FN1: variants seen among roughly 807,000 people sequenced by gnomAD.
FN1 encodes the protein fibronectin 1, also known as fibronectin.
Under a neutral mutation model 297.3 loss-of-function variants are expected in FN1, and 106 were observed. That is an observed-to-expected ratio of 0.36 (90% CI 0.30 to 0.42). FN1 has a LOEUF of 0.42. Among genes scored for constraint, FN1 ranks in the 10% least tolerant of loss-of-function variants. The probability of loss-of-function intolerance (pLI) is 1.00; values close to 1 mark genes in which losing one functional copy is unlikely to be tolerated. For synonymous variants in FN1, 1,149 were observed against 1,152.6 expected (o/e 1.00, Z 0.06); for missense variants, 2,690 against 3,124.9 (o/e 0.86, Z 3.32).
intron 7 of FN1, 132 bp downstream of exon 7, chr2:215,424,962 C>T (rs1293562086): frequency 2.4e-6 from 2 of 846,398 alleles, no homozygotes; most frequent in Admixed American, 1.8e-5. Flanking sequence ...AATGCCAACC[C>T]TAATTGTTAT....
At chr2:215,407,051 G>T in intron 18 of FN1, 76 bp downstream of exon 18, 2 of 1,115,558 alleles carry the variant, frequency 1.8e-6, no homozygotes, top group South Asian at 1.2e-5. Context: ...GAGGACTGTT[G>T]ACAGAGACAA....
At chr2:215,426,370 G>T (rs1264138374) in intron 6 of FN1, among the ~76,000 whole-genome samples, 2 of 148,056 alleles carry the variant, frequency 1.4e-5, no homozygotes, top group Non-Finnish European at 3.0e-5. Flanking sequence ...GGATGGTCTC[G>T]ATCTCCTGAC....
chr2:215,383,783 G>T (rs1210533776), intron 30 of FN1, among the ~76,000 whole-genome samples: 1 of 152,244 alleles, frequency 6.6e-6, no homozygotes, highest in South Asian at 2.1e-4. Context: ...CACTCTCTAT[G>T]CCTGTCGTAT....
rs544702180 is a variant in FN1 at position 215,394,791 on chromosome 2, A to G, written c.3605-72T>C. ...CCAGAGCATATTTAACTAGACTCCAATGATGGATTCACAGGGCGGAATGCA... is the reference window on the plus strand; with the variant it reads ...CCAGAGCATATTTAACTAGACTCCAGTGATGGATTCACAGGGCGGAATGCA... On this transcript the variant is annotated intron_variant, in intron 23 of 45. Coordinates refer to ENST00000354785, the MANE Select transcript of FN1 (RefSeq NM_212482.4). 1.3e-3 allele frequency: 1,514 copies of G among 1,184,174 alleles called. 6 individuals carry two copies. Among genetic ancestry groups the G allele is most frequent in the Non-Finnish European group, 1.6e-3 (1,258 of 797,182 alleles). The allele number at this position is 1,184,174 out of a possible 1,614,324, so 73.4% of individuals were successfully genotyped here.
At chr2:215,406,633 G>T in intron 18 of FN1, 123 bp from the exon 19 acceptor site, 1 of 1,014,382 alleles carries the variant, frequency 9.9e-7, no homozygotes, top group Non-Finnish European at 1.5e-6. Context: ...GCTAAGTTTT[G>T]TCTCTTAATC....
chr2:215,419,215 T>C (rs751884955), intron 12 of FN1, 27 bp downstream of exon 12: 3 of 1,611,736 alleles, frequency 1.9e-6, no homozygotes, highest in Middle Eastern at 1.7e-4. Context: ...TTGGCAGTTC[T>C]CAACTTGCAG....
intron 28 of FN1, 121 bp downstream of exon 28, chr2:215,386,568 A>ATTTT (rs5838504): frequency 3.3e-5 from 11 of 337,222 alleles, no homozygotes; most frequent in African/African-American, 2.9e-4. Flanking sequence ...ACAATGATCT[A>ATTTT]TTTTTTTTTT....
At chr2:215,369,349 AAC>A (rs1198491556) in intron 41 of FN1, among the ~76,000 whole-genome samples, 2 of 152,232 alleles carry the variant, frequency 1.3e-5, no homozygotes, top group Admixed American at 1.3e-4. Context: ...TAATACAACA[AAC>A]ACAAAATAAT....
Position 215,367,125 on chromosome 2 carries a change from C to A in FN1, c.7018+738G>T, listed in dbSNP as rs574498554. ...GCTTATTTATAGGCATAACGGTCAA[C>A]ACCTATAAAAATGAACCAATTGTCA... On this transcript the variant is annotated intron_variant, in intron 42 of 45. Coordinates refer to ENST00000354785, the MANE Select transcript of FN1 (RefSeq NM_212482.4). 4.2e-4 allele frequency among the ~76,000 whole-genome samples: 64 copies of A among 152,298 alleles called. No homozygotes were observed. In the Middle Eastern group the frequency reaches 0.01, roughly 24 times the overall value.
chr2:215,420,730 T>G lies in FN1; in HGVS notation c.1618A>C (p.Met540Leu), dbSNP rs768538033. The G allele has an allele frequency of 2.5e-6, 4 of 1,614,190 alleles. No individual in the cohort carries two copies. In the Admixed American group the frequency reaches 6.7e-5, roughly 27 times the overall value. The change falls in exon 11 of 46, where the codon ATG becomes CTG. Residue 540 changes from methionine to leucine, a missense_variant. This residue lies in a region of FN1 where 876 missense variants were observed against 1,058.1 expected (regional missense o/e 0.83). Coordinates refer to ENST00000354785, the MANE Select transcript of FN1 (RefSeq NM_212482.4). ...TGACCGAAGCATGTACAGTTCAGCA[T>G]GTGCCCCTCTTCATGACGCTTGTGG... is the stretch of plus-strand genomic sequence containing the variant. ...TFHKRHEEGH[M>L]LNCTCFGQGR... is the part of the protein sequence containing the mutation.
intron 12 of FN1, 55 bp from the exon 13 acceptor site, chr2:215,415,013 A>T: frequency 7.2e-7 from 1 of 1,390,716 alleles, no homozygotes; most frequent in East Asian, 2.3e-5. Flanking sequence ...ACTTCAACTT[A>T]AAACTGTGTA....
chr2:215,361,425 G>A lies in FN1; in HGVS notation c.*130C>T, dbSNP rs141470685. On this transcript the variant is annotated 3_prime_UTR_variant, in exon 46 of 46. Coordinates refer to ENST00000354785, the MANE Select transcript of FN1 (RefSeq NM_212482.4). ...AGAAGCTGTGAGTTGAGCTGAAGCT[G>A]GAGAACTTCCTCCAGAGCAAAGGGC... 2.8e-3 allele frequency: 2,187 copies of A among 788,092 alleles called. 40 individuals carry two copies. The African/African-American group carries it at 0.033, about 12-fold the overall frequency. 48.8% of individuals were successfully genotyped at this position (788,092 alleles called of 1,614,324 possible). A position where few individuals can be genotyped will look rare whatever the true frequency, so the allele number is the denominator to read the frequency against.
intron 9 of FN1, among the ~76,000 whole-genome samples, chr2:215,423,080 G>A (rs540898345): frequency 1.3e-5 from 2 of 151,926 alleles, no homozygotes; most frequent in East Asian, 1.9e-4. Context: ...TTACAAATAA[G>A]TAATTATATT....
chr2:215,390,841 G>A (rs141876661), intron 26 of FN1, among the ~76,000 whole-genome samples: 20 of 152,302 alleles, frequency 1.3e-4, no homozygotes, highest in African/African-American at 4.8e-4. Flanking sequence ...GATGTTTTCA[G>A]ACTAATACTT....
chr2:215,411,286 C>G (rs1256552859), intron 13 of FN1, among the ~76,000 whole-genome samples: 1 of 152,202 alleles, frequency 6.6e-6, no homozygotes, highest in African/African-American at 2.4e-5. Flanking sequence ...AGTGTAAATA[C>G]TCTAAACTAA....
chr2:215,392,405 C>G, intron 25 of FN1: 1 of 184,916 alleles, frequency 5.4e-6, no homozygotes, highest in Non-Finnish European at 1.1e-5. Flanking sequence ...CTAGTGACAG[C>G]AACAAAACCT....
chr2:215,381,970 T>G, intron 32 of FN1: 1 of 475,720 alleles, frequency 2.1e-6, no homozygotes, highest in Admixed American at 3.3e-5. Flanking sequence ...TGAGGCCATT[T>G]GAGCAAAAGA....
intron 4 of FN1, 103 bp from the exon 5 acceptor site, chr2:215,430,955 T>C (rs998822778): frequency 2.1e-5 from 25 of 1,201,752 alleles, no homozygotes; most frequent in Middle Eastern, 2.0e-4. Flanking sequence ...TTCAGCCACA[T>C]TTTTTTTAAG....
chr2:215,377,845 G>T (rs1035786054), intron 35 of FN1, among the ~76,000 whole-genome samples: 25 of 152,132 alleles, frequency 1.6e-4, no homozygotes, highest in African/African-American at 5.6e-4. Flanking sequence ...TCCATTTTAT[G>T]GGTCAGTAGA....
Sources: gnomAD v4.1 joint callset for allele counts (sites outside exome capture counted in the v4.1 genomes callset) on GRCh38, gnomAD v4.1.1 for gene constraint, gnomAD v4.1.1 regional missense constraint, MANE v1.5 for transcripts, NCBI Gene and HGNC (gene_info 2026-07-23, HGNC 2026-07-21) for gene names.